DOCK11: variants seen among roughly 807,000 people sequenced by gnomAD.
DOCK11 encodes the protein dedicator of cytokinesis 11.
Under a neutral mutation model 169.1 loss-of-function variants are expected in DOCK11, and 70 were observed. That is an observed-to-expected ratio of 0.41 (90% CI 0.34 to 0.51). DOCK11 has a LOEUF of 0.51. Ranked by LOEUF, DOCK11 falls within the 20% of genes least tolerant of loss-of-function variation. The pLI, the probability that DOCK11 is intolerant of heterozygous loss-of-function variation, is 0.10. For missense variants in DOCK11, 1,166 were observed against 1,538.8 expected, an observed-to-expected ratio of 0.76 and a Z score of 4.05; for synonymous variants, 529 against 541.3, an observed-to-expected ratio of 0.98 and a Z score of 0.32.
rs758184520 is a variant in DOCK11, at chrX:118,683,231, T to C, written c.6102+14T>C. 6 of 1,187,001 alleles carry C rather than the reference T, an allele frequency of 5.1e-6. No individual in the cohort carries two copies. The highest frequency in any genetic ancestry group is 5.7e-6 in the Non-Finnish European group (5 of 884,132). On this transcript the variant is annotated intron_variant, in intron 52 of 52. Coordinates refer to ENST00000276202, the MANE Select transcript of DOCK11 (RefSeq NM_144658.4). ...ATCCATGAGCAGGCAAGTATTAGGG[T>C]GACTAAAACTGAAAACATGATCTGC...
chrX:118,642,465 T>C (rs1038855274), intron 39 of DOCK11, among the ~76,000 whole-genome samples: 1 of 112,248 alleles, frequency 8.9e-6, no homozygotes, highest in South Asian at 3.6e-4. Flanking sequence ...GTTTGTAAAT[T>C]ATATCTCAAT....
At position 118,573,355 on chromosome X, in the gene DOCK11, C is replaced by T. The variant is rs1461764250; in HGVS notation, c.1177-451C>T. Among the ~76,000 whole-genome samples, 3 of 112,317 alleles carry T rather than the reference C, an allele frequency of 2.7e-5. No homozygotes were observed. The Admixed American group carries it at 2.8e-4, about 11-fold the overall frequency. On this transcript the variant is annotated intron_variant, in intron 11 of 52. Coordinates refer to ENST00000276202, the MANE Select transcript of DOCK11 (RefSeq NM_144658.4). Reference sequence around the variant, plus strand: ...ATTGCTGATAGGGCAAAGCTTTTGTCAAGTACTTTGGTGTTGACTGTTATT... The same window carrying T: ...ATTGCTGATAGGGCAAAGCTTTTGTTAAGTACTTTGGTGTTGACTGTTATT...
intron 1 of DOCK11, among the ~76,000 whole-genome samples, chrX:118,505,186 G>A (rs1880813181): frequency 9.0e-6 from 1 of 111,489 alleles, no homozygotes; most frequent in South Asian, 3.8e-4. Flanking sequence ...ACCATTGCCC[G>A]GCTAAGTTTT....
At chrX:118,527,179 A>G (rs941088359) in intron 1 of DOCK11, among the ~76,000 whole-genome samples, 16 of 112,390 alleles carry the variant, frequency 1.4e-4, no homozygotes, top group Admixed American at 2.8e-4. Flanking sequence ...TTGGTAGTAA[A>G]GGAAAACTAC....
chrX:118,655,056 C>A (rs2016034513), intron 44 of DOCK11, 95 bp downstream of exon 44: 5 of 827,750 alleles, frequency 6.0e-6, no homozygotes, highest in Non-Finnish European at 8.8e-6. Flanking sequence ...TATAATAGAA[C>A]ACTGAAAAAT....
chrX:118,498,731 A>G (rs1404162626), intron 1 of DOCK11, among the ~76,000 whole-genome samples: 1 of 112,147 alleles, frequency 8.9e-6, no homozygotes, highest in Non-Finnish European at 1.9e-5. Context: ...AAGCTGTACA[A>G]ATATACAGTA....
chrX:118,502,089 C>T (rs2057579446), intron 1 of DOCK11, among the ~76,000 whole-genome samples: 2 of 107,965 alleles, frequency 1.9e-5, no homozygotes, highest in Non-Finnish European at 3.9e-5. Flanking sequence ...GGGGTGGGGC[C>T]TGCATCTGTA....
chrX:118,597,306 C>T (rs1472720832), intron 20 of DOCK11, 125 bp from the exon 21 acceptor site: 17 of 902,186 alleles, frequency 1.9e-5, no homozygotes, highest in Admixed American at 2.6e-5. Flanking sequence ...TTGCCCAGCA[C>T]CTGAACTCCC....
intron 13 of DOCK11, 59 bp downstream of exon 13, chrX:118,578,706 G>A: frequency 2.8e-6 from 3 of 1,089,994 alleles, no homozygotes; most frequent in Non-Finnish European, 3.7e-6. Flanking sequence ...GCCTTTTACT[G>A]ATATTTTAAA....
At chrX:118,648,642 GATATA>G (rs1483159631) in intron 40 of DOCK11, among the ~76,000 whole-genome samples, 510 of 95,815 alleles carry the variant, frequency 5.3e-3, no homozygotes, top group Admixed American at 5.6e-3. Flanking sequence ...ATATATAATA[GATATA>G]ATATAATACT....
chrX:118,528,518 A>G (rs919300651), intron 1 of DOCK11, among the ~76,000 whole-genome samples: 2 of 111,560 alleles, frequency 1.8e-5, no homozygotes, highest in South Asian at 7.4e-4. Flanking sequence ...AGGTGTAGAC[A>G]TAGTTTTGTC....
intron 1 of DOCK11, among the ~76,000 whole-genome samples, chrX:118,496,480 C>T (rs1008302323): frequency 3.5e-5 from 4 of 112,755 alleles, no homozygotes; most frequent in Non-Finnish European, 3.8e-5. Context: ...CACCTGAGGC[C>T]GCCTAGGCGG....
intron 44 of DOCK11, among the ~76,000 whole-genome samples, chrX:118,656,267 T>TAATAAATAAATAAATAAATA (rs749224053): frequency 5.6e-5 from 6 of 108,084 alleles, no homozygotes; most frequent in African/African-American, 1.3e-4. Context: ...TCTCAAAAAA[T>TAATAAATAAATAAATAAATA]AATAAATAAA....
At chrX:118,646,095 A>G (rs1384844426) in intron 40 of DOCK11, among the ~76,000 whole-genome samples, 1 of 109,334 alleles carries the variant, frequency 9.1e-6, no homozygotes, top group Non-Finnish European at 1.9e-5. Flanking sequence ...CAACAACAAA[A>G]AAACAGAGAG....
intron 28 of DOCK11, 127 bp downstream of exon 28, chrX:118,610,545 C>A: frequency 1.4e-6 from 1 of 735,116 alleles, no homozygotes; most frequent in Non-Finnish European, 1.9e-6. Flanking sequence ...ACTTAGGTTG[C>A]TTACAAACGT....
At chrX:118,514,021 C>T (rs147270205) in intron 1 of DOCK11, among the ~76,000 whole-genome samples, 91 of 111,637 alleles carry the variant, frequency 8.2e-4, no homozygotes, top group African/African-American at 2.7e-3. Flanking sequence ...CCATAATCCC[C>T]ACGTCAATGG....
chrX:118,656,066 G>A (rs1023685442), intron 44 of DOCK11, among the ~76,000 whole-genome samples: 2 of 110,300 alleles, frequency 1.8e-5, no homozygotes, highest in East Asian at 5.7e-4. Context: ...TGGGTAGGTG[G>A]ATCACTTGAG....
Position 118,573,798 on chromosome X carries a change from A to G in DOCK11, c.1177-8A>G, listed in dbSNP as rs774221757. 2.2e-5 allele frequency: 26 copies of G among 1,191,876 alleles called. No individual in the cohort carries two copies. The South Asian group carries it at 4.4e-4, about 20-fold the overall frequency. On this transcript the variant is annotated splice_polypyrimidine_tract_variant and splice_region_variant and intron_variant, in intron 11 of 52. Transcript: ENST00000276202. Reference sequence around the variant, plus strand: ...TCAGTTTTAAAATGTAACTGTTTTCATTCCCAGGTTGAGCCCTTTTTTATC... The same window carrying G: ...TCAGTTTTAAAATGTAACTGTTTTCGTTCCCAGGTTGAGCCCTTTTTTATC...
At chrX:118,536,235 GC>G (rs1395716274) in intron 1 of DOCK11, among the ~76,000 whole-genome samples, 1 of 110,399 alleles carries the variant, frequency 9.1e-6, no homozygotes, top group African/African-American at 3.3e-5. Flanking sequence ...GGAGGTTGAG[GC>G]TGCAGTGAGC....
Sources: allele counts gnomAD v4.1 joint callset (sites outside exome capture counted in the v4.1 genomes callset), GRCh38; gene constraint gnomAD v4.1.1; transcripts MANE v1.5; gene names NCBI Gene and HGNC (gene_info 2026-07-23, HGNC 2026-07-21).